The following ADAMTSL1 variants were observed in gnomAD, a reference collection of about 807,000 sequenced individuals.
ADAMTSL1 encodes ADAMTS-like protein 1.
ADAMTSL1 carries 126 observed loss-of-function variants against 201.8 expected under a neutral mutation model. The ratio of observed to expected loss-of-function variants is 0.62; its 90% CI spans 0.54 to 0.72. ADAMTSL1 has a LOEUF of 0.72. ADAMTSL1 is among the 30% of genes least tolerant of loss of function. The pLI, the probability that ADAMTSL1 is intolerant of heterozygous loss-of-function variation, is 0.00. For missense variants in ADAMTSL1, 2,679 were observed against 2,277.8 expected (o/e 1.18, Z -3.59); for synonymous variants, 1,121 against 903.4 (o/e 1.24, Z -4.32).
chr9:18,758,002 A>G (rs753117190), intron 16 of ADAMTSL1, among the ~76,000 whole-genome samples: 1 of 152,178 alleles, frequency 6.6e-6, no homozygotes, highest in South Asian at 2.1e-4. Flanking sequence ...TCACTATCCT[A>G]TGTGATAGTT....
chr9:17,990,227 C>T (rs1819096410), intron 1 of ADAMTSL1, among the ~76,000 whole-genome samples: 1 of 151,992 alleles, frequency 6.6e-6, no homozygotes, highest in African/African-American at 2.4e-5. Context: ...TGTCTATAAG[C>T]TTTCCTTTTA....
At chr9:17,945,588 T>C (rs1827429080) in intron 1 of ADAMTSL1, among the ~76,000 whole-genome samples, 1 of 152,010 alleles carries the variant, frequency 6.6e-6, no homozygotes, top group African/African-American at 2.4e-5. Context: ...AATGATAGAC[T>C]GGATTAAGAA....
chr9:18,564,950 G>A (rs906727977), intron 3 of ADAMTSL1, among the ~76,000 whole-genome samples: 4 of 152,084 alleles, frequency 2.6e-5, no homozygotes, highest in East Asian at 1.9e-4. Flanking sequence ...GATTCCAAAC[G>A]TCTGCATTCT....
intron 19 of ADAMTSL1, among the ~76,000 whole-genome samples, chr9:18,785,894 T>C (rs1315194770): frequency 2.6e-5 from 4 of 152,058 alleles, no homozygotes; most frequent in Non-Finnish European, 5.9e-5. Flanking sequence ...TTAGGAAAAA[T>C]TACTGGATGA....
At chr9:18,300,420 T>C (rs546310718) in intron 2 of ADAMTSL1, among the ~76,000 whole-genome samples, 2 of 150,258 alleles carry the variant, frequency 1.3e-5, no homozygotes, top group East Asian at 3.9e-4. Flanking sequence ...ATGAGATCAC[T>C]TGGACACAGG....
chr9:18,755,816 C>A (rs117602049), intron 16 of ADAMTSL1, among the ~76,000 whole-genome samples: 2,734 of 152,054 alleles, frequency 0.018, 35 homozygotes, highest in South Asian at 0.043. Flanking sequence ...GGTTTAAGTT[C>A]ATTCTTCAGG....
intron 2 of ADAMTSL1, among the ~76,000 whole-genome samples, chr9:18,189,751 C>T (rs1828893284): frequency 6.6e-6 from 1 of 152,058 alleles, no homozygotes; most frequent in South Asian, 2.1e-4. Context: ...TATTATAGAA[C>T]TGTGTTTGGC....
intron 20 of ADAMTSL1, among the ~76,000 whole-genome samples, 173 bp downstream of exon 20, chr9:18,795,697 A>G (rs529280601): frequency 1.3e-5 from 2 of 152,210 alleles, no homozygotes; most frequent in South Asian, 2.1e-4. Flanking sequence ...ATGAAGTGCT[A>G]TAACTGATAA....
At chr9:18,313,117 G>C (rs1172059627) in intron 2 of ADAMTSL1, among the ~76,000 whole-genome samples, 1 of 152,194 alleles carries the variant, frequency 6.6e-6, no homozygotes, top group Non-Finnish European at 1.5e-5. Context: ...AACACAGATT[G>C]CTGGGCTACA....
intron 1 of ADAMTSL1, among the ~76,000 whole-genome samples, chr9:18,099,571 GTC>G (rs1241588905): frequency 2.1e-5 from 3 of 143,264 alleles, no homozygotes; most frequent in African/African-American, 7.7e-5. Flanking sequence ...TTTTTTACCT[GTC>G]TTCAATATTT....
At chr9:18,180,868 C>G (rs997675573) in intron 2 of ADAMTSL1, among the ~76,000 whole-genome samples, 1 of 152,182 alleles carries the variant, frequency 6.6e-6, no homozygotes, top group Non-Finnish European at 1.5e-5. Flanking sequence ...AGGCATCACA[C>G]TACTTGACTT....
In ADAMTSL1 at chr9:18,888,240, C is replaced by T. The variant is rs187695549; in HGVS notation, c.4462+197C>T. 3.8e-3 allele frequency among the ~76,000 whole-genome samples: 575 copies of T among 152,312 alleles called. 5 individuals are homozygous for T. The highest frequency in any genetic ancestry group is 4.9e-3 in the Non-Finnish European group (335 of 68,024). On this transcript the variant is annotated intron_variant, in intron 24 of 28. Transcript: ENST00000380548. Reference sequence around the variant, plus strand: ...CTTCAGAAGAGCCATCATGCCCCATCCCAGCAGAACCTGGAAAAGCCAGTG... The same window carrying T: ...CTTCAGAAGAGCCATCATGCCCCATTCCAGCAGAACCTGGAAAAGCCAGTG...
intron 2 of ADAMTSL1, among the ~76,000 whole-genome samples, chr9:18,264,690 C>T (rs1832051194): frequency 6.6e-6 from 1 of 152,194 alleles, no homozygotes; most frequent in African/African-American, 2.4e-5. Context: ...ATGTTTATTA[C>T]AGGTTATTCC....
chr9:18,779,446 A>G (rs775970130), intron 19 of ADAMTSL1, among the ~76,000 whole-genome samples: 9 of 152,150 alleles, frequency 5.9e-5, no homozygotes, highest in Non-Finnish European at 1.0e-4. Context: ...ATCTTGTTTA[A>G]TTTTCCCTCA....
chr9:17,948,870 C>G (rs1166407384), intron 1 of ADAMTSL1, among the ~76,000 whole-genome samples: 3 of 152,196 alleles, frequency 2.0e-5, no homozygotes, highest in Admixed American at 1.3e-4. Context: ...CCAGCTGGGA[C>G]ATGTGATTGT....
intron 26 of ADAMTSL1, among the ~76,000 whole-genome samples, chr9:18,903,964 CTTT>C (rs34983014): frequency 2.0e-5 from 3 of 149,472 alleles, no homozygotes; most frequent in Admixed American, 2.0e-4. Flanking sequence ...GTTTTAATCA[CTTT>C]TTTTTTTTAG....
In ADAMTSL1 at chr9:18,910,710, G is replaced by A. The variant is rs1156305789; in HGVS notation, c.*2162G>A. On this transcript the variant is annotated 3_prime_UTR_variant, in exon 29 of 29. Transcript: ENST00000380548. ...AAGAGCAAGCATCCTCCAGCTCCAT[G>A]TTGGGTTGGAGCAGTTGGCAGTGGG... The A allele has an allele frequency of 6.6e-6, 1 of 152,246 alleles. No individual in the cohort carries two copies. Among genetic ancestry groups the A allele is most frequent in the Non-Finnish European group, 1.5e-5 (1 of 68,038 alleles). 9.4% of individuals were successfully genotyped at this position (152,246 alleles called of 1,614,324 possible).
At chr9:18,078,173 T>G (rs1345309001) in intron 1 of ADAMTSL1, among the ~76,000 whole-genome samples, 1 of 152,168 alleles carries the variant, frequency 6.6e-6, no homozygotes, top group Non-Finnish European at 1.5e-5. Context: ...GAAACCAGTT[T>G]AATCAGTACT....
chr9:18,133,913 A>C (rs371148502), intron 1 of ADAMTSL1, among the ~76,000 whole-genome samples: 4 of 152,318 alleles, frequency 2.6e-5, no homozygotes, highest in African/African-American at 7.2e-5. Context: ...ATTAGACCTC[A>C]TTCAACAAAT....
Sources: allele counts gnomAD v4.1 joint callset (sites outside exome capture counted in the v4.1 genomes callset), GRCh38; gene constraint gnomAD v4.1.1; transcripts MANE v1.5; gene names NCBI Gene and HGNC (gene_info 2026-07-23, HGNC 2026-07-21).